PACRG: variants seen among roughly 807,000 people sequenced by gnomAD.
PACRG encodes parkin coregulated gene protein.
PACRG carries 29 observed loss-of-function variants against 29.7 expected under a neutral mutation model. The ratio of observed to expected loss-of-function variants is 0.98; its 90% confidence interval spans 0.73 to 1.33. PACRG has a LOEUF of 1.33. PACRG is among the 40% of genes most tolerant of loss of function. The probability of loss-of-function intolerance (pLI) is 0.00; values close to 1 mark genes in which losing one functional copy is unlikely to be tolerated. For synonymous variants in PACRG, 116 were observed against 118.7 expected (o/e 0.98, Z 0.15); for missense variants, 279 against 316.2 (o/e 0.88, Z 0.89).
intron 4 of PACRG, among the ~76,000 whole-genome samples, chr6:163,103,194 T>C (rs951870477): frequency 6.6e-6 from 1 of 152,214 alleles, no homozygotes; most frequent in Non-Finnish European, 1.5e-5. Context: ...GTGTTCCCTG[T>C]AGAGCTTCTG....
At chr6:163,311,404 A>T (rs1287508462) in intron 4 of PACRG, among the ~76,000 whole-genome samples, 1 of 152,254 alleles carries the variant, frequency 6.6e-6, no homozygotes. Flanking sequence ...ACAATTGTAA[A>T]TAACCATTTG....
chr6:162,940,626 A>C (rs1798551116), intron 2 of PACRG, among the ~76,000 whole-genome samples: 1 of 152,146 alleles, frequency 6.6e-6, no homozygotes, highest in Non-Finnish European at 1.5e-5. Flanking sequence ...TGAAAGTCCC[A>C]CGTGAAGCTC....
intron 2 of PACRG, among the ~76,000 whole-genome samples, chr6:162,841,732 T>C (rs28802164): frequency 0.05 from 7,619 of 150,926 alleles, 219 homozygotes; most frequent in East Asian, 0.14. Context: ...TGTGGGCATT[T>C]AGTGCTATAA....
chr6:163,111,852 C>T (rs998064416), intron 4 of PACRG, among the ~76,000 whole-genome samples: 6 of 152,200 alleles, frequency 3.9e-5, no homozygotes, highest in Non-Finnish European at 7.3e-5. Flanking sequence ...ATCTAATAAA[C>T]ATGCTCCTGG....
At chr6:163,135,619 C>T (rs73010727) in intron 4 of PACRG, among the ~76,000 whole-genome samples, 19,259 of 152,142 alleles carry the variant, frequency 0.13, 1,228 homozygotes, top group African/African-American at 0.16. Context: ...AATCTTCTTC[C>T]GCATTTCTCT....
At chr6:162,847,669 C>G (rs1288263937) in intron 2 of PACRG, among the ~76,000 whole-genome samples, 1 of 151,788 alleles carries the variant, frequency 6.6e-6, no homozygotes, top group Non-Finnish European at 1.5e-5. Context: ...GAGGTGAACA[C>G]ATGTGTCCTG....
At chr6:162,821,559 G>C (rs1787842737) in intron 2 of PACRG, among the ~76,000 whole-genome samples, 1 of 152,160 alleles carries the variant, frequency 6.6e-6, no homozygotes, top group Admixed American at 6.5e-5. Flanking sequence ...GGGTGCCAAA[G>C]CTAAGCTGCC....
intron 2 of PACRG, among the ~76,000 whole-genome samples, chr6:162,947,359 A>ATATGATATATATATGATCATATATGAT (rs376521730): frequency 8.2e-5 from 3 of 36,702 alleles, no homozygotes; most frequent in African/African-American, 3.1e-4. Flanking sequence ...ACATATATAT[A>ATATGATATATATATGATCATATATGAT]ATGTAATCAT....
intron 4 of PACRG, chr6:163,101,245 G>A (rs556971): frequency 0.39 from 382,156 of 978,520 alleles, 75,508 homozygotes; most frequent in East Asian, 0.59. Context: ...TACAATACTG[G>A]AATTTAAAAA....
chr6:162,888,015 C>G (rs1223952265), intron 2 of PACRG, among the ~76,000 whole-genome samples: 3 of 152,176 alleles, frequency 2.0e-5, no homozygotes, highest in Non-Finnish European at 2.9e-5. Flanking sequence ...GAGGGCTACT[C>G]TCCGCTTCCA....
chr6:162,962,334 A>C (rs920881256), intron 2 of PACRG, among the ~76,000 whole-genome samples: 4 of 152,168 alleles, frequency 2.6e-5, no homozygotes, highest in Admixed American at 2.6e-4. Flanking sequence ...CATGTTTCTG[A>C]AGTGAATGAG....
chr6:162,785,872 T>C (rs1221617088), intron 1 of PACRG, among the ~76,000 whole-genome samples: 1 of 152,138 alleles, frequency 6.6e-6, no homozygotes, highest in African/African-American at 2.4e-5. Context: ...CCATGTAGGA[T>C]AACAAACAAG....
intron 4 of PACRG, among the ~76,000 whole-genome samples, chr6:163,267,874 A>G (rs911130418): frequency 6.6e-6 from 1 of 152,232 alleles, no homozygotes; most frequent in Non-Finnish European, 1.5e-5. Context: ...CATGCTTTTC[A>G]GCACTGCCAG....
intron 1 of PACRG, among the ~76,000 whole-genome samples, chr6:162,766,984 G>C (rs1481156473): frequency 6.6e-6 from 1 of 151,692 alleles, no homozygotes; most frequent in Non-Finnish European, 1.5e-5. Flanking sequence ...GTGTTATTTT[G>C]AAGCATTTAA....
intron 4 of PACRG, among the ~76,000 whole-genome samples, chr6:163,195,675 G>T (rs1294777968): frequency 1.3e-5 from 2 of 152,190 alleles, no homozygotes; most frequent in East Asian, 3.9e-4. Context: ...GGCAGTGGAG[G>T]CCGCCCGACC....
chr6:162,728,156 C>T lies in PACRG; in HGVS notation c.-80C>T. ...TTATCGCGCCTTTTGATATTTTTTTCCAGACCTCCTGCTCACATCCGTAAA... is the reference window on the plus strand; with the variant it reads ...TTATCGCGCCTTTTGATATTTTTTTTCAGACCTCCTGCTCACATCCGTAAA... On this transcript the variant is annotated 5_prime_UTR_variant, in exon 1 of 5. Coordinates refer to ENST00000366888, the MANE Select transcript of PACRG (RefSeq NM_001080379.2). The T allele has an allele frequency of 6.6e-6, 10 of 1,504,716 alleles. No individual in the cohort carries two copies. The highest frequency in any genetic ancestry group is 9.0e-6 in the Non-Finnish European group (10 of 1,114,776). 93.2% of individuals were successfully genotyped at this position (1,504,716 alleles called of 1,614,324 possible).
chr6:162,773,517 T>C (rs1269986127), intron 1 of PACRG, among the ~76,000 whole-genome samples: 9 of 122,560 alleles, frequency 7.3e-5, no homozygotes, highest in Admixed American at 7.1e-4. Flanking sequence ...TTTTTTTTTT[T>C]TTTTTTTTGA....
intron 4 of PACRG, among the ~76,000 whole-genome samples, chr6:163,266,227 G>A (rs994034806): frequency 1.3e-5 from 2 of 152,020 alleles, no homozygotes; most frequent in Non-Finnish European, 2.9e-5. Flanking sequence ...TATTCTTTCA[G>A]AACAGATAAA....
chr6:163,138,182 C>T (rs1817013874), intron 4 of PACRG, among the ~76,000 whole-genome samples: 1 of 152,250 alleles, frequency 6.6e-6, no homozygotes, highest in South Asian at 2.1e-4. Flanking sequence ...CATTGTGATA[C>T]TTACCTGCAT....
Sources: allele counts gnomAD v4.1 joint callset (sites outside exome capture counted in the v4.1 genomes callset), GRCh38; gene constraint gnomAD v4.1.1; transcripts MANE v1.5; gene names NCBI Gene and HGNC (gene_info 2026-07-23, HGNC 2026-07-21).